EPHX2: variants seen among roughly 807,000 people sequenced by gnomAD.
The protein encoded by EPHX2 is epoxide hydrolase 2.
In EPHX2, 74 loss-of-function variants were observed where a neutral mutation model predicts 78.7. The observed-to-expected ratio is 0.94, with a 90% CI of 0.78 to 1.14. EPHX2 has a LOEUF of 1.14. Ranked by LOEUF, EPHX2 falls within the 50% of genes most tolerant of loss-of-function variation. The probability of loss-of-function intolerance (pLI) is 0.00; values close to 1 mark genes in which losing one functional copy is unlikely to be tolerated. For synonymous variants in EPHX2, 251 were observed against 255.2 expected, an observed-to-expected ratio of 0.98 and a Z score of 0.16; for missense variants, 715 against 702.5, an observed-to-expected ratio of 1.02 and a Z score of -0.20.
At chr8:27,509,079 T>G (rs1225530518) in intron 5 of EPHX2, among the ~76,000 whole-genome samples, 1 of 151,588 alleles carries the variant, frequency 6.6e-6, no homozygotes, top group African/African-American at 2.4e-5. Context: ...TTTTTCTCTA[T>G]GAATTGGACT....
rs1815535724 is a variant in EPHX2 at position 27,544,823 on chromosome 8, T to C, written c.*301T>C. The C allele has an allele frequency of 1.5e-5, 6 of 388,036 alleles. No individual in the cohort carries two copies. The South Asian group carries it at 2.8e-4, about 18-fold the overall frequency. 24.0% of individuals were successfully genotyped at this position (388,036 alleles called of 1,614,324 possible). On this transcript the variant is annotated 3_prime_UTR_variant, in exon 19 of 19. Transcript: ENST00000521400. ...GGGTGGCCAGGTGGTGATTTCTCTT[T>C]GACCAATGCATAGTTTGGCAGAAAA...
At chr8:27,513,514 C>A (rs181536568) in intron 6 of EPHX2, among the ~76,000 whole-genome samples, 1 of 152,276 alleles carries the variant, frequency 6.6e-6, no homozygotes, top group Admixed American at 6.5e-5. Flanking sequence ...CCTTGTCTTT[C>A]CCCCACCCCA....
At chr8:27,497,187 G>A (rs1159464635) in intron 1 of EPHX2, among the ~76,000 whole-genome samples, 2 of 152,182 alleles carry the variant, frequency 1.3e-5, no homozygotes, top group African/African-American at 2.4e-5. Context: ...CTCAGTCAGG[G>A]TGATGACATG....
Position 27,506,945 on chromosome 8 carries a change from A to G in EPHX2, c.611A>G (p.Gln204Arg), listed in dbSNP as rs200323916. The change falls in exon 5 of 19, where the codon CAG becomes CGG. Residue 204 changes from glutamine to arginine, a missense_variant. Physicochemically the swap from Gln to Arg is conservative, Grantham distance 43. Coordinates refer to ENST00000521400, the MANE Select transcript of EPHX2 (RefSeq NM_001979.6). ...RDLGMVTILV[Q>R]DTDTALKELE... Reference sequence around the variant, plus strand: ...TTGGGAATGGTCACCATCCTGGTCCAGGACACTGACACGGCCCTGAAAGAA... The same window carrying G: ...TTGGGAATGGTCACCATCCTGGTCCGGGACACTGACACGGCCCTGAAAGAA... 4 of 1,614,180 alleles carry G rather than the reference A, an allele frequency of 2.5e-6. No individual in the cohort carries two copies. The highest frequency in any genetic ancestry group is 3.4e-6 in the Non-Finnish European group (4 of 1,180,036).
rs1255634079 is a variant in EPHX2 at position 27,516,919 on chromosome 8, A to ATTT, written c.910+537_910+539dup. ...TAGACGGCACCACAATTTCCTTCCT[A>ATTT]TTTTTTTTTTTTTTTTTTGAGACGG... On this transcript the variant is annotated intron_variant, in intron 8 of 18. Transcript: ENST00000521400. 3.8e-5 allele frequency among the ~76,000 whole-genome samples: 5 copies of ATTT among 131,584 alleles called. 1 individual carries two copies. The highest frequency in any genetic ancestry group is 5.6e-5 in the African/African-American group (2 of 35,838). 86.3% of individuals were successfully genotyped at this position (131,584 alleles called of 152,430 possible). A position where few individuals can be genotyped will look rare whatever the true frequency, so the allele number is the denominator to read the frequency against.
chr8:27,543,403 G>T (rs1815474618), intron 16 of EPHX2, among the ~76,000 whole-genome samples: 1 of 152,032 alleles, frequency 6.6e-6, no homozygotes, highest in Non-Finnish European at 1.5e-5. Flanking sequence ...TGGAACCTTG[G>T]TCGCCCCTTT....
At chr8:27,520,327 A>G (rs574033009) in intron 9 of EPHX2, among the ~76,000 whole-genome samples, 9 of 150,740 alleles carry the variant, frequency 6.0e-5, no homozygotes, top group African/African-American at 2.2e-4. Flanking sequence ...CACCGTGCCC[A>G]GCTAATTTTT....
chr8:27,515,623 G>C (rs572842040), intron 6 of EPHX2, 95 bp from the exon 7 acceptor site: 1 of 994,706 alleles, frequency 1.0e-6, no homozygotes, highest in African/African-American at 1.6e-5. Context: ...TCCAGCAACG[G>C]ACTGAAACGG....
chr8:27,538,766 T>C, intron 14 of EPHX2, 74 bp downstream of exon 14: 1 of 1,527,832 alleles, frequency 6.5e-7, no homozygotes, highest in South Asian at 1.1e-5. Flanking sequence ...CTCTGACTGC[T>C]ATGGGCAGAA....
intron 11 of EPHX2, among the ~76,000 whole-genome samples, chr8:27,523,292 C>G (rs1203800573): frequency 6.6e-6 from 1 of 152,222 alleles, no homozygotes; most frequent in Non-Finnish European, 1.5e-5. Context: ...GTGCAAATGT[C>G]CAGTGAGCCC....
At chr8:27,538,481 C>T (rs1815282948) in intron 13 of EPHX2, among the ~76,000 whole-genome samples, 178 bp from the exon 14 acceptor site, 1 of 152,166 alleles carries the variant, frequency 6.6e-6, no homozygotes, top group African/African-American at 2.4e-5. Flanking sequence ...CCCTGGCTCT[C>T]TTGGGAGTTC....
chr8:27,514,535 T>C (rs912204128), intron 6 of EPHX2, among the ~76,000 whole-genome samples: 1 of 152,222 alleles, frequency 6.6e-6, no homozygotes, highest in African/African-American at 2.4e-5. Flanking sequence ...TTAGTGGCTA[T>C]AACAAACACC....
chr8:27,515,463 T>G (rs754211849), intron 6 of EPHX2: 1 of 484,546 alleles, frequency 2.1e-6, no homozygotes, highest in African/African-American at 2.0e-5. Context: ...TGTTTTGTTT[T>G]ATTTTGTTTT....
chr8:27,541,571 C>T, intron 16 of EPHX2, 29 bp downstream of exon 16: 1 of 1,613,496 alleles, frequency 6.2e-7, no homozygotes, highest in Non-Finnish European at 8.5e-7. Flanking sequence ...GTAGTCTCAT[C>T]CACACCCCAG....
chr8:27,530,999 G>A (rs779378658), intron 12 of EPHX2, among the ~76,000 whole-genome samples: 2 of 152,122 alleles, frequency 1.3e-5, no homozygotes, highest in Non-Finnish European at 2.9e-5. Flanking sequence ...CCACCCTCAG[G>A]TGACTTACCT....
chr8:27,517,392 C>T lies in EPHX2; in HGVS notation c.911-646C>T, dbSNP rs539640184. ...TACAAAAATAGAGACAGCAATTCTA[C>T]AGTTCTTATGGACCCACAAAAGACT... is the stretch of plus-strand genomic sequence containing the variant. On this transcript the variant is annotated intron_variant, in intron 8 of 18. Transcript: ENST00000521400. Among the ~76,000 whole-genome samples the T allele has an allele frequency of 3.3e-5, 5 of 152,290 alleles. No homozygotes were observed. The East Asian group carries it at 9.6e-4, about 29-fold the overall frequency.
Position 27,491,272 on chromosome 8 carries a change from G to A in EPHX2, c.64G>A (p.Val22Ile). ...GVLALPAVFG[V>I]LGRTEEALAL... ...GCTGGCGCTGCCAGCGGTGTTCGGCGTCCTCGGCCGCACGGAGGAGGCCCT... is the reference window on the plus strand; with the variant it reads ...GCTGGCGCTGCCAGCGGTGTTCGGCATCCTCGGCCGCACGGAGGAGGCCCT... The change falls in exon 1 of 19, where the codon GTC becomes ATC. Residue 22 changes from valine to isoleucine, a missense_variant. Coordinates refer to ENST00000521400, the MANE Select transcript of EPHX2 (RefSeq NM_001979.6). 6.3e-7 allele frequency: 1 copy of A among 1,578,506 alleles called. No homozygotes were observed. The highest frequency in any genetic ancestry group is 8.5e-7 in the Non-Finnish European group (1 of 1,171,714).
At chr8:27,530,854 C>A (rs1422332764) in intron 12 of EPHX2, among the ~76,000 whole-genome samples, 1 of 151,260 alleles carries the variant, frequency 6.6e-6, no homozygotes, top group Non-Finnish European at 1.5e-5. Context: ...ACCTCCATCT[C>A]CCGGGTTCAA....
At chr8:27,502,043 C>G (rs1178365947) in intron 2 of EPHX2, among the ~76,000 whole-genome samples, 2 of 152,172 alleles carry the variant, frequency 1.3e-5, no homozygotes, top group Admixed American at 6.5e-5. Flanking sequence ...TCACCAGCAC[C>G]CAGATCAAGA....
Sources: allele counts gnomAD v4.1 joint callset (sites outside exome capture counted in the v4.1 genomes callset), GRCh38; gene constraint gnomAD v4.1.1; transcripts MANE v1.5; gene names NCBI Gene and HGNC (gene_info 2026-07-23, HGNC 2026-07-21).